The following HDAC4 variants were observed in gnomAD, a reference collection of about 807,000 sequenced individuals.
The protein encoded by HDAC4 is histone deacetylase A.
A neutral mutation model predicts 135.1 loss-of-function variants in HDAC4; 16 were observed. The ratio of observed to expected loss-of-function variants is 0.12; its 90% confidence interval spans 0.08 to 0.18. The LOEUF (loss-of-function observed/expected upper bound fraction) is 0.18. HDAC4 is among the 10% of genes least tolerant of loss of function. The pLI, the probability that HDAC4 is intolerant of heterozygous loss-of-function variation, is 1.00. For synonymous variants in HDAC4, 685 were observed against 653.4 expected (o/e 1.05, Z -0.74); for missense variants, 1,143 against 1,511.8 (o/e 0.76, Z 4.05).
intron 22 of HDAC4, among the ~76,000 whole-genome samples, chr2:239,075,658 C>T (rs994883257): frequency 6.6e-5 from 10 of 152,232 alleles, no homozygotes; most frequent in African/African-American, 2.4e-4. Context: ...CCGTGTGAAG[C>T]CGTGGGGTGC....
chr2:239,140,905 G>A (rs969893892), intron 8 of HDAC4: 8 of 459,342 alleles, frequency 1.7e-5, no homozygotes, highest in African/African-American at 1.6e-4. Flanking sequence ...TGGAGGTGGT[G>A]ACTCTGCAAA....
intron 14 of HDAC4, among the ~76,000 whole-genome samples, chr2:239,110,097 G>A (rs930430065): frequency 6.6e-6 from 1 of 152,196 alleles, no homozygotes; most frequent in Non-Finnish European, 1.5e-5. Flanking sequence ...ACACAACAGA[G>A]TCCCGTCTCT....
intron 4 of HDAC4, among the ~76,000 whole-genome samples, chr2:239,185,610 C>T (rs1362882107): frequency 6.6e-6 from 1 of 152,100 alleles, no homozygotes; most frequent in Non-Finnish European, 1.5e-5. Flanking sequence ...CCACATGCCC[C>T]TGCTCCATCA....
intron 2 of HDAC4, among the ~76,000 whole-genome samples, chr2:239,348,652 T>C (rs1490496161): frequency 2.6e-5 from 4 of 152,244 alleles, no homozygotes; most frequent in South Asian, 4.1e-4. Context: ...GCAGAGGCTC[T>C]GTGTCCTGAC....
chr2:239,346,820 C>T (rs1219578503), intron 2 of HDAC4, among the ~76,000 whole-genome samples: 1 of 145,916 alleles, frequency 6.9e-6, no homozygotes, highest in Non-Finnish European at 1.5e-5. Flanking sequence ...CTAAAACACA[C>T]ACACACCACC....
intron 2 of HDAC4, among the ~76,000 whole-genome samples, chr2:239,329,920 C>T (rs953908711): frequency 2.0e-5 from 3 of 151,852 alleles, no homozygotes; most frequent in African/African-American, 7.3e-5. Context: ...CTGTGTGATG[C>T]CAGCTTCCCT....
intron 2 of HDAC4, among the ~76,000 whole-genome samples, chr2:239,265,962 T>C (rs1402032368): frequency 6.6e-6 from 1 of 152,166 alleles, no homozygotes; most frequent in Admixed American, 6.5e-5. Flanking sequence ...GAGCTGCCTG[T>C]CCATCCTCAT....
In HDAC4 at chr2:239,313,873, T is replaced by C. The variant is rs373489477; in HGVS notation, c.22+38805A>G. ...CCAGCCTGGAGCCCAGGGCCTGTCC[T>C]GGGGCAGCCACCTGCACTGCCTCTT... On this transcript the variant is annotated intron_variant, in intron 2 of 26. Transcript: ENST00000543185. This position sits in a 1 kb window ranked among gnomAD's most constrained non-coding sequence, Gnocchi z 5.1. Among the ~76,000 whole-genome samples, 3 of 152,220 alleles carry C rather than the reference T, an allele frequency of 2.0e-5. No homozygotes were observed. Among genetic ancestry groups the C allele is most frequent in the South Asian group, 4.2e-4 (2 of 4,818 alleles).
At chr2:239,379,880 A>G (rs975994100) in intron 1 of HDAC4, among the ~76,000 whole-genome samples, 1 of 152,230 alleles carries the variant, frequency 6.6e-6, no homozygotes, top group African/African-American at 2.4e-5. Flanking sequence ...CAGCACCTGC[A>G]CGCAGACACT....
intron 4 of HDAC4, among the ~76,000 whole-genome samples, chr2:239,185,359 G>A (rs546174268): frequency 4.6e-4 from 69 of 149,030 alleles, no homozygotes; most frequent in African/African-American, 1.6e-3. Context: ...CCCGTGTCTC[G>A]TGGGGAGACA....
intron 4 of HDAC4, among the ~76,000 whole-genome samples, chr2:239,188,497 C>T (rs2044694254): frequency 6.6e-6 from 1 of 152,230 alleles, no homozygotes; most frequent in Non-Finnish European, 1.5e-5. Context: ...GCCAAGACCT[C>T]AGGTGAACAA....
rs113698677 is a variant in HDAC4, at chr2:239,165,457, C to T, written c.491-1534G>A. 9.7e-4 allele frequency among the ~76,000 whole-genome samples: 148 copies of T among 152,106 alleles called. 1 individual carries two copies. The East Asian group carries it at 0.016, about 16-fold the overall frequency. The stretch of plus-strand genomic sequence containing the variant: ...CTTATGTGTTCTTAGAATCTTCCGG[C>T]GATGTGCACAGTGGTGTTGTGGGTC... On this transcript the variant is annotated intron_variant, in intron 5 of 26. Transcript: ENST00000543185.
At chr2:239,109,940 G>A (rs772633092) in intron 14 of HDAC4, among the ~76,000 whole-genome samples, 18 of 152,220 alleles carry the variant, frequency 1.2e-4, no homozygotes, top group Non-Finnish European at 2.1e-4. Context: ...AAGCTGGAGC[G>A]TAGAGAGATG....
chr2:239,286,903 C>T (rs1402302897), intron 2 of HDAC4, among the ~76,000 whole-genome samples: 2 of 152,216 alleles, frequency 1.3e-5, no homozygotes, highest in African/African-American at 4.8e-5. Flanking sequence ...GACACACATA[C>T]ACACGCAAGG....
At chr2:239,346,741 C>A (rs1386220479) in intron 2 of HDAC4, among the ~76,000 whole-genome samples, 2 of 150,288 alleles carry the variant, frequency 1.3e-5, no homozygotes, top group Non-Finnish European at 3.0e-5. Context: ...CTAAAACACA[C>A]CCTGACACAC....
chr2:239,169,272 C>T (rs925796081), intron 5 of HDAC4, among the ~76,000 whole-genome samples: 1 of 152,236 alleles, frequency 6.6e-6, no homozygotes, highest in African/African-American at 2.4e-5. Flanking sequence ...TACCGGCGAA[C>T]CACAGAAGCG....
Position 239,053,060 on chromosome 2 carries a change from G to A in HDAC4, c.*37C>T, listed in dbSNP as rs917854834. 9 of 1,611,806 alleles carry A rather than the reference G, an allele frequency of 5.6e-6. No individual in the cohort carries two copies. Among genetic ancestry groups the A allele is most frequent in the African/African-American group, 1.3e-5 (1 of 74,886 alleles). ...TTTCTTGGCTGAGCTTCAAGACAGAGACAGACAGACAAGAGAACAGCAGCT... is the reference window on the plus strand; with the variant it reads ...TTTCTTGGCTGAGCTTCAAGACAGAAACAGACAGACAAGAGAACAGCAGCT... On this transcript the variant is annotated 3_prime_UTR_variant, in exon 27 of 27. Transcript: ENST00000543185.
At chr2:239,399,597 A>C (rs1696804000) in intron 1 of HDAC4, among the ~76,000 whole-genome samples, 1 of 152,208 alleles carries the variant, frequency 6.6e-6, no homozygotes, top group South Asian at 2.1e-4. Context: ...GTATCCCCCC[A>C]GTCCTGCTGG....
intron 2 of HDAC4, among the ~76,000 whole-genome samples, chr2:239,335,024 CA>C (rs35641548): frequency 2.8e-3 from 262 of 94,472 alleles, no homozygotes; most frequent in African/African-American, 9.6e-3. Context: ...GACTCCATCT[CA>C]AAAAAAAAAA....
Sources: gnomAD v4.1 joint callset for allele counts (sites outside exome capture counted in the v4.1 genomes callset) on GRCh38, gnomAD v4.1.1 for gene constraint, Gnocchi (gnomAD v3.1) non-coding constraint, MANE v1.5 for transcripts, NCBI Gene and HGNC (gene_info 2026-07-23, HGNC 2026-07-21) for gene names.